The following TTC39B variants were observed in gnomAD, a reference collection of about 807,000 sequenced individuals.
TTC39B encodes tetratricopeptide repeat protein 39B.
TTC39B carries 92 observed loss-of-function variants against 96.6 expected under a neutral mutation model. The ratio of observed to expected loss-of-function variants is 0.95; its 90% confidence interval spans 0.80 to 1.13. TTC39B has a LOEUF of 1.13. Among genes scored for constraint, TTC39B ranks in the 50% most tolerant of loss-of-function variants. The pLI, the probability that TTC39B is intolerant of heterozygous loss-of-function variation, is 0.00. For synonymous variants in TTC39B, 367 were observed against 299.4 expected (o/e 1.23, Z -2.33); for missense variants, 955 against 809.3 (o/e 1.18, Z -2.18).
Position 15,296,934 on chromosome 9 carries a change from C to A in TTC39B, c.240+10150G>T, listed in dbSNP as rs115472341. ...CCCAGGGGGTCAAGTCTGCAGTAAGCCATGATCACACCACTCTAATCTAGC... is the reference window on the plus strand; with the variant it reads ...CCCAGGGGGTCAAGTCTGCAGTAAGACATGATCACACCACTCTAATCTAGC... On this transcript the variant is annotated intron_variant, in intron 1 of 19. Transcript: ENST00000512701. 3.1e-3 allele frequency among the ~76,000 whole-genome samples: 468 copies of A among 152,274 alleles called. 2 individuals carry two copies. The highest frequency in any genetic ancestry group is 0.011 in the African/African-American group (441 of 41,546).
chr9:15,233,806 C>A (rs534437910), intron 2 of TTC39B, among the ~76,000 whole-genome samples: 3 of 151,958 alleles, frequency 2.0e-5, no homozygotes, highest in Non-Finnish European at 2.9e-5. Context: ...AGCGTCTCTG[C>A]CTGGCCGCCC....
chr9:15,234,465 C>T (rs1184468135), intron 2 of TTC39B, among the ~76,000 whole-genome samples: 2 of 151,440 alleles, frequency 1.3e-5, no homozygotes, highest in South Asian at 4.2e-4. Context: ...GGCGCCTCTG[C>T]CCGGCCGCCC....
intron 2 of TTC39B, among the ~76,000 whole-genome samples, chr9:15,242,813 T>G (rs1822103680): frequency 6.6e-6 from 1 of 152,260 alleles, no homozygotes; most frequent in Non-Finnish European, 1.5e-5. Context: ...AAGTTCTCTG[T>G]GTTATTCTTG....
chr9:15,221,255 T>C (rs1486311892), intron 3 of TTC39B, among the ~76,000 whole-genome samples: 1 of 152,212 alleles, frequency 6.6e-6, no homozygotes, highest in Non-Finnish European at 1.5e-5. Flanking sequence ...TCATTTCTTC[T>C]ACATTAGTCA....
intron 3 of TTC39B, among the ~76,000 whole-genome samples, chr9:15,222,877 T>C (rs967953458): frequency 2.0e-5 from 3 of 152,196 alleles, no homozygotes; most frequent in Non-Finnish European, 1.5e-5. Context: ...CCATTTCCTA[T>C]GGAAAAATAC....
intron 1 of TTC39B, among the ~76,000 whole-genome samples, chr9:15,286,891 G>T (rs1468848784): frequency 6.6e-6 from 1 of 151,974 alleles, no homozygotes; most frequent in Non-Finnish European, 1.5e-5. Context: ...TGCTCAAATT[G>T]TCCCAAATTT....
chr9:15,229,705 AG>A (rs1223826850), intron 2 of TTC39B, among the ~76,000 whole-genome samples: 1 of 152,216 alleles, frequency 6.6e-6, no homozygotes, highest in Non-Finnish European at 1.5e-5. Context: ...ATACGTGCTC[AG>A]GTCTGTTTCT....
chr9:15,219,084 AAGT>A (rs1422015025), intron 3 of TTC39B, among the ~76,000 whole-genome samples: 3 of 152,162 alleles, frequency 2.0e-5, no homozygotes, highest in Admixed American at 1.3e-4. Context: ...TGAAACATAA[AAGT>A]AGTATTTTAA....
intron 1 of TTC39B, among the ~76,000 whole-genome samples, chr9:15,287,864 T>A (rs1824029868): frequency 7.0e-6 from 1 of 141,866 alleles, no homozygotes; most frequent in South Asian, 2.2e-4. Flanking sequence ...GAGAATGGCG[T>A]GAACCCAGGA....
chr9:15,182,518 C>A (rs1247905987), intron 16 of TTC39B, 103 bp from the exon 17 acceptor site: 2 of 694,714 alleles, frequency 2.9e-6, no homozygotes, highest in Non-Finnish European at 2.3e-6. Context: ...TTTCTAGGAA[C>A]CTCAGGACAA....
intron 1 of TTC39B, among the ~76,000 whole-genome samples, chr9:15,293,265 T>C (rs1414265861): frequency 6.6e-6 from 1 of 152,128 alleles, no homozygotes; most frequent in Non-Finnish European, 1.5e-5. Flanking sequence ...CCATCTAGGA[T>C]TGTGTAAGTG....
chr9:15,222,579 A>G lies in TTC39B; in HGVS notation c.371+3338T>C, dbSNP rs7864711. Among the ~76,000 whole-genome samples, 797 of 152,250 alleles carry G rather than the reference A, an allele frequency of 5.2e-3. 7 individuals are homozygous for G. Among genetic ancestry groups the G allele is most frequent in the African/African-American group, 0.018 (757 of 41,548 alleles). ...TTTGGACAACTCATCCCACTAAACC[A>G]GTCTCTGGAACTCAGTCTCCGGAGC... On this transcript the variant is annotated intron_variant, in intron 3 of 19. Transcript: ENST00000512701.
intron 2 of TTC39B, among the ~76,000 whole-genome samples, chr9:15,237,230 A>G (rs1033253276): frequency 2.6e-5 from 4 of 152,122 alleles, no homozygotes; most frequent in Admixed American, 2.0e-4. Flanking sequence ...CAGGAGAATT[A>G]CTTGAACCCG....
At chr9:15,196,974 C>T (rs1819206768) in intron 8 of TTC39B, among the ~76,000 whole-genome samples, 2 of 152,182 alleles carry the variant, frequency 1.3e-5, no homozygotes, top group African/African-American at 2.4e-5. Context: ...AAGACCTCCA[C>T]CAACAAAAAG....
chr9:15,198,461 A>AAAATAT (rs1554768110), intron 8 of TTC39B, among the ~76,000 whole-genome samples: 3 of 117,320 alleles, frequency 2.6e-5, no homozygotes, highest in Non-Finnish European at 5.4e-5. Context: ...CGGTCGCAAA[A>AAAATAT]ATATATATAT....
At chr9:15,275,611 T>C (rs1324071797) in intron 1 of TTC39B, among the ~76,000 whole-genome samples, 4 of 152,056 alleles carry the variant, frequency 2.6e-5, no homozygotes, top group Non-Finnish European at 4.4e-5. Context: ...ACGCCCATGA[T>C]GAAACCACCA....
At chr9:15,201,253 T>C (rs1217740089) in intron 7 of TTC39B, among the ~76,000 whole-genome samples, 2 of 150,026 alleles carry the variant, frequency 1.3e-5, no homozygotes, top group Non-Finnish European at 3.0e-5. Flanking sequence ...TAGCTTGAAA[T>C]ATACCTCAAA....
At chr9:15,206,089 G>A (rs568098279) in intron 6 of TTC39B, among the ~76,000 whole-genome samples, 1 of 152,244 alleles carries the variant, frequency 6.6e-6, no homozygotes, top group Non-Finnish European at 1.5e-5. Flanking sequence ...GCATGGGGAT[G>A]TGACAACAAG....
At chr9:15,214,762 A>C (rs1307087099) in intron 3 of TTC39B, among the ~76,000 whole-genome samples, 4 of 152,352 alleles carry the variant, frequency 2.6e-5, no homozygotes, top group African/African-American at 9.6e-5. Context: ...TCAGTGATTA[A>C]ATAAAATCCT....
Sources: gnomAD v4.1 joint callset for allele counts (sites outside exome capture counted in the v4.1 genomes callset) on GRCh38, gnomAD v4.1.1 for gene constraint, MANE v1.5 for transcripts, NCBI Gene and HGNC (gene_info 2026-07-23, HGNC 2026-07-21) for gene names.